TRPM7: variants seen among roughly 807,000 people sequenced by gnomAD.
The protein encoded by TRPM7 is transient receptor potential cation channel subfamily M member 7.
In TRPM7, 134 loss-of-function variants were observed where a neutral mutation model predicts 229.7. The ratio of observed to expected loss-of-function variants is 0.58; its 90% CI spans 0.51 to 0.67. The LOEUF is 0.67. Ranked by LOEUF, TRPM7 falls within the 30% of genes least tolerant of loss-of-function variation. The pLI, the probability that TRPM7 is intolerant of heterozygous loss-of-function variation, is 0.00. For synonymous variants in TRPM7, 699 were observed against 715.2 expected, an observed-to-expected ratio of 0.98 and a Z score of 0.36; for missense variants, 1,901 against 2,210.0, an observed-to-expected ratio of 0.86 and a Z score of 2.80.
rs144953958 is a variant in TRPM7, at chr15:50,639,250, AT to A, written c.660+173del. Among the ~76,000 whole-genome samples, 400 of 152,348 alleles carry A rather than the reference AT, an allele frequency of 2.6e-3. 1 individual carries two copies. The highest frequency in any genetic ancestry group is 9.2e-3 in the African/African-American group (384 of 41,600). On this transcript the variant is annotated intron_variant, in intron 6 of 38. Transcript: ENST00000646667. ...TGAACTTAATTATTTATAGTTATGA[AT>A]TATTTATATTTATGCATTTCCAAAA...
intron 30 of TRPM7, among the ~76,000 whole-genome samples, 191 bp downstream of exon 30, chr15:50,580,683 A>T (rs2054356318): frequency 2.6e-5 from 4 of 152,180 alleles, no homozygotes. Flanking sequence ...AAAATAATAA[A>T]TTTTAACTTT....
chr15:50,593,795 T>C, intron 24 of TRPM7, 46 bp from the exon 25 acceptor site: 1 of 1,561,692 alleles, frequency 6.4e-7, no homozygotes, highest in Non-Finnish European at 8.6e-7. Context: ...GCTATCAAGG[T>C]TTCAACTTTA....
chr15:50,581,167 A>G (rs1199984283), intron 29 of TRPM7, among the ~76,000 whole-genome samples: 1 of 152,176 alleles, frequency 6.6e-6, no homozygotes, highest in Non-Finnish European at 1.5e-5. Context: ...TTCTTTATGA[A>G]TTTTTATATT....
chr15:50,573,846 G>T (rs1014706553), intron 36 of TRPM7, among the ~76,000 whole-genome samples: 2 of 152,120 alleles, frequency 1.3e-5, no homozygotes, highest in African/African-American at 4.8e-5. Flanking sequence ...AGATCACAAG[G>T]TCAGAAGCTC....
At chr15:50,568,955 C>A (rs1252806477) in intron 38 of TRPM7, among the ~76,000 whole-genome samples, 1 of 152,140 alleles carries the variant, frequency 6.6e-6, no homozygotes, top group Non-Finnish European at 1.5e-5. Flanking sequence ...TGCACTCCAG[C>A]CTGAGCAACA....
intron 22 of TRPM7, among the ~76,000 whole-genome samples, chr15:50,597,579 CT>C (rs1394072367): frequency 2.6e-5 from 4 of 152,130 alleles, no homozygotes; most frequent in Admixed American, 2.6e-4. Flanking sequence ...ATACTCAATG[CT>C]TTATAACAAC....
At chr15:50,598,540 T>C (rs1288468960) in intron 22 of TRPM7, among the ~76,000 whole-genome samples, 1 of 152,230 alleles carries the variant, frequency 6.6e-6, no homozygotes, top group Admixed American at 6.5e-5. Context: ...GTGCTTGACT[T>C]CTCAATATCG....
intron 10 of TRPM7, among the ~76,000 whole-genome samples, 190 bp from the exon 11 acceptor site, chr15:50,628,439 C>T (rs1324413626): frequency 1.3e-5 from 2 of 151,770 alleles, no homozygotes; most frequent in Non-Finnish European, 2.9e-5. Context: ...TCCAAGTAGC[C>T]GAGACTACAG....
intron 7 of TRPM7, among the ~76,000 whole-genome samples, chr15:50,636,220 C>T (rs1246359830): frequency 2.0e-5 from 3 of 148,160 alleles, no homozygotes; most frequent in Non-Finnish European, 4.5e-5. Context: ...GAGTCTTGCT[C>T]TGTCAACCAG....
chr15:50,628,821 T>C lies in TRPM7; in HGVS notation c.1205-572A>G, dbSNP rs552379003. Among the ~76,000 whole-genome samples, 20 of 152,338 alleles carry C rather than the reference T, an allele frequency of 1.3e-4. No homozygotes were observed. In the East Asian group the frequency reaches 2.5e-3, roughly 19 times the overall value. On this transcript the variant is annotated intron_variant, in intron 10 of 38. Transcript: ENST00000646667. ...AGATGAACTGTTTCTATCACAGAGATAGCGCTATTAGGATTCTGAAAATAG... is the reference window on the plus strand; with the variant it reads ...AGATGAACTGTTTCTATCACAGAGACAGCGCTATTAGGATTCTGAAAATAG...
At position 50,648,776 on chromosome 15, in the gene TRPM7, A is replaced by G. The variant is rs1354080820; in HGVS notation, c.232T>C (p.Trp78Arg). 1.2e-6 allele frequency: 2 copies of G among 1,613,688 alleles called. No individual in the cohort carries two copies. Among genetic ancestry groups the G allele is most frequent in the Non-Finnish European group, 1.7e-6 (2 of 1,179,766 alleles). ...TGTTCTGTATGCTTTTCCACAGACC[A>G]TTCTTCTATTGCCTGATTAAAATGG... ...GDHFNQAIEE[W>R]SVEKHTEQSP... The change falls in exon 4 of 39, where the codon TGG (tryptophan) becomes CGG (arginine). Residue 78 changes from tryptophan (W) to arginine (R), a missense_variant. Around this residue, in one of 8 missense-constraint regions of TRPM7, gnomAD observed 794 missense variants for 881.9 expected, o/e 0.90. Coordinates refer to ENST00000646667, the MANE Select transcript of TRPM7 (RefSeq NM_017672.6).
chr15:50,631,546 A>G, intron 9 of TRPM7, 57 bp from the exon 10 acceptor site: 7 of 1,225,006 alleles, frequency 5.7e-6, no homozygotes, highest in Non-Finnish European at 8.3e-6. Flanking sequence ...CAAAGGCATC[A>G]TAAAACTCAG....
chr15:50,674,304 G>C (rs889952664), intron 1 of TRPM7, among the ~76,000 whole-genome samples: 1 of 151,822 alleles, frequency 6.6e-6, no homozygotes, highest in East Asian at 1.9e-4. Flanking sequence ...GCTAATTTTT[G>C]TATTTTTAGT....
At chr15:50,617,136 AAAT>A (rs2060244648) in intron 13 of TRPM7, among the ~76,000 whole-genome samples, 63 of 26,604 alleles carry the variant, frequency 2.4e-3, no homozygotes, top group Admixed American at 6.2e-3. Flanking sequence ...CCAAAAAAAT[AAAT>A]AAATAAATAA....
intron 38 of TRPM7, among the ~76,000 whole-genome samples, chr15:50,566,056 T>G (rs774565642): frequency 4.6e-5 from 7 of 151,862 alleles, no homozygotes; most frequent in Non-Finnish European, 7.4e-5. Flanking sequence ...ACCTCCTGAC[T>G]TCAGGTGATC....
intron 1 of TRPM7, among the ~76,000 whole-genome samples, chr15:50,674,776 G>A (rs56069965): frequency 0.35 from 53,122 of 151,952 alleles, 10,485 homozygotes; most frequent in Admixed American, 0.48. Flanking sequence ...ATTTCTAAAG[G>A]AGAGCTGTGC....
Position 50,566,601 on chromosome 15 carries a change from CAGG to C in TRPM7, c.5467+3283_5467+3285del. On this transcript the variant is annotated intron_variant, in intron 38 of 38. Transcript: ENST00000646667. Reference sequence around the variant, plus strand: ...GTGCCAGTTACTCAAGAGGCTGAAGCAGGAGAATCGTTTGAACCTGGGAGGTGG... The same window carrying C: ...GTGCCAGTTACTCAAGAGGCTGAAGCAGAATCGTTTGAACCTGGGAGGTGG... Among the ~76,000 whole-genome samples the C allele has an allele frequency of 2.0e-5, 3 of 152,172 alleles. 1 individual carries two copies. The South Asian group carries it at 6.2e-4, about 32-fold the overall frequency.
At position 50,570,161 on chromosome 15, in the gene TRPM7, T is replaced by C; in HGVS notation, c.5309-6A>G. ...AGTCAAATTTTCACCAACACCTTTA[T>C]ATGTGTATATAAAAAAGACAAATAA... On this transcript the variant is annotated splice_region_variant and splice_polypyrimidine_tract_variant and intron_variant, in intron 36 of 38. Coordinates refer to ENST00000646667, the MANE Select transcript of TRPM7 (RefSeq NM_017672.6). 1 of 1,582,208 alleles carries C rather than the reference T, an allele frequency of 6.3e-7. No individual in the cohort carries two copies. The highest frequency in any genetic ancestry group is 8.6e-7 in the Non-Finnish European group (1 of 1,162,212).
intron 38 of TRPM7, among the ~76,000 whole-genome samples, chr15:50,564,372 AG>A: frequency 6.6e-6 from 1 of 152,012 alleles, no homozygotes; most frequent in Admixed American, 6.5e-5. Flanking sequence ...AAATATGTCA[AG>A]TCTTCAGACA....
Sources: allele counts gnomAD v4.1 joint callset (sites outside exome capture counted in the v4.1 genomes callset), GRCh38; gene constraint gnomAD v4.1.1; regional missense constraint gnomAD v4.1.1; transcripts MANE v1.5; gene names NCBI Gene and HGNC (gene_info 2026-07-23, HGNC 2026-07-21).